AKAP13: variants seen among roughly 807,000 people sequenced by gnomAD.
AKAP13 encodes A-kinase anchoring protein 13, also known as A-kinase anchor protein 13.
AKAP13 carries 80 observed loss-of-function variants against 264.5 expected under a neutral mutation model. The ratio of observed to expected loss-of-function variants is 0.30; its 90% confidence interval spans 0.25 to 0.36. The LOEUF (loss-of-function observed/expected upper bound fraction) is 0.36. Ranked by LOEUF, AKAP13 falls within the 10% of genes least tolerant of loss-of-function variation. The pLI, the probability that AKAP13 is intolerant of heterozygous loss-of-function variation, is 1.00. For synonymous variants in AKAP13, 1,380 were observed against 1,250.2 expected (o/e 1.10, Z -2.19); for missense variants, 3,712 against 3,435.2 (o/e 1.08, Z -2.01).
At chr15:85,504,304 C>A (rs990713751) in intron 2 of AKAP13, among the ~76,000 whole-genome samples, 1 of 151,670 alleles carries the variant, frequency 6.6e-6, no homozygotes, top group Non-Finnish European at 1.5e-5. Flanking sequence ...GGGGAAGGAG[C>A]GAGGAATGAG....
At chr15:85,388,825 G>GTTTTT (rs1444451765) in intron 1 of AKAP13, among the ~76,000 whole-genome samples, 1 of 152,170 alleles carries the variant, frequency 6.6e-6, no homozygotes, top group Non-Finnish European at 1.5e-5. Context: ...ATTCATGATA[G>GTTTTT]TTGTTGAGTC....
chr15:85,481,989 C>T (rs2075366802), intron 1 of AKAP13, among the ~76,000 whole-genome samples: 1 of 152,200 alleles, frequency 6.6e-6, no homozygotes, highest in African/African-American at 2.4e-5. Flanking sequence ...TTCAGTTGTT[C>T]TTGGTCTTTC....
chr15:85,646,231 T>C (rs756225642), intron 10 of AKAP13, among the ~76,000 whole-genome samples: 8 of 150,390 alleles, frequency 5.3e-5, no homozygotes. Flanking sequence ...TCCCAACACT[T>C]TGGGAGGCTG....
intron 1 of AKAP13, among the ~76,000 whole-genome samples, chr15:85,482,362 A>G (rs1251968354): frequency 7.2e-5 from 11 of 152,102 alleles, no homozygotes; most frequent in Middle Eastern, 3.2e-3. Context: ...AAAACTATTT[A>G]TTTTAATGTT....
intron 8 of AKAP13, among the ~76,000 whole-genome samples, chr15:85,636,195 A>G (rs2082064379): frequency 6.6e-6 from 1 of 152,138 alleles, no homozygotes; most frequent in African/African-American, 2.4e-5. Flanking sequence ...TATTGCTTTT[A>G]CTTTTAATTT....
chr15:85,486,739 C>CTTTTTTTTTTTTTTTTTTTTTTGTTTTTT (rs562767898), intron 2 of AKAP13, among the ~76,000 whole-genome samples: 1 of 115,646 alleles, frequency 8.6e-6, no homozygotes, highest in East Asian at 2.4e-4. Flanking sequence ...TTGTTCAGTT[C>CTTTTTTTTTTTTTTTTTTTTTTGTTTTTT]TTTTTTTTTT....
intron 8 of AKAP13, among the ~76,000 whole-genome samples, chr15:85,588,866 CTGAT>C (rs982749094): frequency 1.3e-5 from 2 of 152,144 alleles, no homozygotes; most frequent in Non-Finnish European, 2.9e-5. Flanking sequence ...AACCTGGGCT[CTGAT>C]TGGTAAAGTT....
chr15:85,399,482 G>A (rs531697084), intron 1 of AKAP13, among the ~76,000 whole-genome samples: 2 of 118,502 alleles, frequency 1.7e-5, no homozygotes, highest in East Asian at 2.4e-4. Flanking sequence ...CGGCCTGGGC[G>A]ACAGAGCGAG....
intron 1 of AKAP13, among the ~76,000 whole-genome samples, chr15:85,434,888 A>G (rs1197434951): frequency 2.7e-5 from 4 of 149,704 alleles, no homozygotes; most frequent in African/African-American, 4.9e-5. Context: ...GAACAGAAAA[A>G]CTGGAAACTC....
intron 1 of AKAP13, among the ~76,000 whole-genome samples, chr15:85,476,640 T>A (rs2075173267): frequency 6.6e-6 from 1 of 152,220 alleles, no homozygotes; most frequent in African/African-American, 2.4e-5. Flanking sequence ...ACACAGCCAG[T>A]AAGTGCCACA....
chr15:85,667,400 C>CTTG (rs2151556906), intron 13 of AKAP13, among the ~76,000 whole-genome samples: 1 of 152,176 alleles, frequency 6.6e-6, no homozygotes, highest in Non-Finnish European at 1.5e-5. Context: ...GAAGAATATG[C>CTTG]TTGTTGAAGC....
chr15:85,655,482 A>C lies in AKAP13; in HGVS notation c.4440A>C (p.Ser1480=). 1 of 1,614,196 alleles carries C rather than the reference A, an allele frequency of 6.2e-7. No homozygotes were observed. Among genetic ancestry groups the C allele is most frequent in the Non-Finnish European group, 8.5e-7 (1 of 1,180,022 alleles). ...GSSSSTDDTA[S]LDRHSSHGSD... ...GTTCATCCACCGATGACACGGCTTC[A>C]CTGGACCGACATTCTTCTCATGGCA... is the stretch of plus-strand genomic sequence containing the variant. Residue 1480 remains serine, a synonymous_variant, in exon 11 of 37, where the codon TCA becomes TCC. Transcript: ENST00000394518.
intron 1 of AKAP13, chr15:85,382,320 T>C (rs1311090490): frequency 6.6e-6 from 1 of 152,224 alleles, no homozygotes; most frequent in African/African-American, 2.4e-5. Context: ...GTTCCTGGGC[T>C]TTTCTGGTTT....
rs532799798 is a variant in AKAP13 at position 85,538,454 on chromosome 15, C to G, written c.478+4574C>G. Among the ~76,000 whole-genome samples the G allele has an allele frequency of 9.9e-5, 15 of 151,930 alleles. 1 individual carries two copies. Among genetic ancestry groups the G allele is most frequent in the Admixed American group, 9.2e-4 (14 of 15,252 alleles). On this transcript the variant is annotated intron_variant, in intron 4 of 36. Coordinates refer to ENST00000394518, the MANE Select transcript of AKAP13 (RefSeq NM_007200.5). ...ACCATAATCATTTGATGATTCAGTT[C>G]CCACCTCCTTTCAGAGTGTTTGATA...
intron 5 of AKAP13, among the ~76,000 whole-genome samples, chr15:85,554,418 G>A (rs1256560829): frequency 2.0e-5 from 3 of 152,090 alleles, no homozygotes; most frequent in Admixed American, 6.6e-5. Flanking sequence ...TTCAGTTTCT[G>A]ACTTACTGTT....
At chr15:85,620,033 C>T (rs1181340590) in intron 8 of AKAP13, 1 of 1,534,146 alleles carries the variant, frequency 6.5e-7, no homozygotes, top group Non-Finnish European at 8.7e-7. Context: ...CACTGGTCCC[C>T]AAGTTAACAG....
intron 8 of AKAP13, among the ~76,000 whole-genome samples, chr15:85,617,816 C>T (rs1173783552): frequency 1.3e-5 from 2 of 152,160 alleles, no homozygotes; most frequent in South Asian, 2.1e-4. Flanking sequence ...CTGTCTGTGC[C>T]CTAGACCACA....
At chr15:85,569,545 C>T (rs192058376) in intron 5 of AKAP13, among the ~76,000 whole-genome samples, 3 of 151,186 alleles carry the variant, frequency 2.0e-5, no homozygotes, top group East Asian at 2.0e-4. Context: ...CTCTGCCTCC[C>T]GGGTTCAGGC....
intron 1 of AKAP13, among the ~76,000 whole-genome samples, chr15:85,417,327 A>T (rs1057350848): frequency 1.3e-5 from 2 of 152,136 alleles, no homozygotes; most frequent in Middle Eastern, 3.2e-3. Flanking sequence ...TCTTTGTCTT[A>T]ATTTAAAATT....
Sources: gnomAD v4.1 joint callset for allele counts (sites outside exome capture counted in the v4.1 genomes callset) on GRCh38, gnomAD v4.1.1 for gene constraint, MANE v1.5 for transcripts, NCBI Gene and HGNC (gene_info 2026-07-23, HGNC 2026-07-21) for gene names.